CHTF18: variants seen among roughly 807,000 people sequenced by gnomAD.
CHTF18 encodes the protein chromosome transmission fidelity protein 18 homolog.
CHTF18 carries 151 observed loss-of-function variants against 113.4 expected under a neutral mutation model. The observed-to-expected ratio is 1.33, with a 90% CI of 1.17 to 1.52. CHTF18 has a LOEUF of 1.52. Ranked by LOEUF, CHTF18 falls within the 40% of genes most tolerant of loss-of-function variation. The pLI is 0.00. For missense variants in CHTF18, 1,982 were observed against 1,381.6 expected (o/e 1.43, Z -6.89); for synonymous variants, 916 against 598.8 (o/e 1.53, Z -7.74).
chr16:795,317 C>G lies in CHTF18; in HGVS notation c.2136C>G (p.Ser712Arg), dbSNP rs1046183928. Residue 712 changes from serine to arginine, a missense_variant, in exon 16 of 22, where the codon AGC becomes AGG. By Grantham distance (110) the Ser-to-Arg change is moderately radical. Transcript: ENST00000262315. ...CCTTCCATGTGCTGTTTGCTTCCAG[C>G]CACACACCCAGGATCACCTTCCCCA... ...PVAFHVLFAS[S>R]HTPRITFPSS... is the part of the protein sequence containing the mutation. 6 of 1,548,374 alleles carry G rather than the reference C, an allele frequency of 3.9e-6. No homozygotes were observed. In the African/African-American group the frequency reaches 8.2e-5, roughly 21 times the overall value.
At chr16:797,786 CTGGGGGTTG>C in intron 21 of CHTF18, 35 bp downstream of exon 21, 3 of 964,290 alleles carry the variant, frequency 3.1e-6, no homozygotes, top group Non-Finnish European at 4.4e-6. Context: ...TGTGGGGGGC[CTGGGGGTTG>C]TGGGGGGGCC....
At chr16:791,024 C>T (rs546645870) in intron 7 of CHTF18, 137 bp from the exon 8 acceptor site, 1 of 1,476,892 alleles carries the variant, frequency 6.8e-7, no homozygotes, top group South Asian at 1.4e-5. Flanking sequence ...CGGTCACTCG[C>T]TGGCAGGAAG....
chr16:793,838 C>T (rs932576111), intron 14 of CHTF18: 9 of 641,026 alleles, frequency 1.4e-5, no homozygotes, highest in South Asian at 1.8e-5. Flanking sequence ...CAGGGCTCCT[C>T]TCAGAGTGGG....
intron 4 of CHTF18, 103 bp from the exon 5 acceptor site, chr16:790,074 T>C (rs1415769249): frequency 1.3e-6 from 2 of 1,537,652 alleles, no homozygotes; most frequent in Non-Finnish European, 1.7e-6. Flanking sequence ...ACTGGCCAGC[T>C]TACTGGGGTT....
chr16:795,153 C>T lies in CHTF18; in HGVS notation c.1972C>T (p.Arg658Cys), dbSNP rs540750304. Residue 658 changes from arginine (R) to cysteine (C), a missense_variant, in exon 16 of 22, where the codon CGT becomes TGT. Physicochemically the swap from Arg to Cys is radical, Grantham distance 180 (BLOSUM62 -3). Coordinates refer to ENST00000262315, the MANE Select transcript of CHTF18 (RefSeq NM_022092.3). ...GCAGGGCTTGTTTGACAACTTCCTGCGTCTGCGGCTGCGAGACTCCAGCCT... is the reference window on the plus strand; with the variant it reads ...GCAGGGCTTGTTTGACAACTTCCTGTGTCTGCGGCTGCGAGACTCCAGCCT... ...VVQGLFDNFL[R>C]LRLRDSSLGA... is the part of the protein sequence containing the mutation. 1.3e-4 allele frequency: 205 copies of T among 1,551,840 alleles called. No individual in the cohort carries two copies. The highest frequency in any genetic ancestry group is 7.9e-4 in the Middle Eastern group (4 of 5,088).
chr16:793,098 T>TGGGGG (rs2151645761), intron 13 of CHTF18, 34 bp downstream of exon 13: 1 of 1,047,120 alleles, frequency 9.5e-7, no homozygotes, highest in Non-Finnish European at 1.4e-6. Context: ...TGGGGTGGGG[T>TGGGGG]GGGGTCAGGA....
intron 12 of CHTF18, 66 bp downstream of exon 12, chr16:792,877 C>G (rs373166088): frequency 9.2e-6 from 14 of 1,529,604 alleles, no homozygotes; most frequent in South Asian, 7.2e-5. Context: ...GTTCTGGCCC[C>G]TGTTTCCCTG....
At chr16:796,535 CTG>C in intron 18 of CHTF18, 180 bp from the exon 19 acceptor site, 2 of 671,460 alleles carry the variant, frequency 3.0e-6, no homozygotes, top group Non-Finnish European at 4.8e-6. Context: ...GTTGGGGAAA[CTG>C]AGGCTCGGGG....
At position 795,359 on chromosome 16, in the gene CHTF18, G is replaced by T; in HGVS notation, c.2175+3G>T. 6.5e-7 allele frequency: 1 copy of T among 1,542,514 alleles called. No individual in the cohort carries two copies. On this transcript the variant is annotated splice_donor_region_variant and intron_variant, in intron 16 of 21. Transcript: ENST00000262315. ...CCTTCCCCAGCAGCCAGCAGGAGGT[G>T]TGCTCGTCCCTGCACCACGCCTGCC...
chr16:795,895 A>G, intron 17 of CHTF18, 52 bp from the exon 18 acceptor site: 2 of 1,601,940 alleles, frequency 1.2e-6, no homozygotes, highest in Non-Finnish European at 1.7e-6. Flanking sequence ...CTAGGTGAGC[A>G]CACATTTGTA....
At position 788,912 on chromosome 16, in the gene CHTF18, C is replaced by T. The variant is rs535162620; in HGVS notation, c.92-19C>T. The T allele has an allele frequency of 4.6e-6, 7 of 1,524,816 alleles. No individual in the cohort carries two copies. The African/African-American group carries it at 8.5e-5, about 19-fold the overall frequency. 94.5% of individuals were successfully genotyped at this position (1,524,816 alleles called of 1,614,324 possible). On this transcript the variant is annotated intron_variant, in intron 1 of 21. Transcript: ENST00000262315. The stretch of plus-strand genomic sequence containing the variant: ...TCTGCTGTCTCGGGGCGGCCGCTGA[C>T]AATCTCCTCTCCCAGCAGGGGCGTC...
At chr16:790,755 C>G (rs1288815910) in intron 7 of CHTF18, 89 bp downstream of exon 7, 4 of 1,448,226 alleles carry the variant, frequency 2.8e-6, no homozygotes, top group Admixed American at 5.6e-5. Context: ...CACAGCCAAT[C>G]CACTGGGCCT....
chr16:793,582 C>T lies in CHTF18; in HGVS notation c.1802+308C>T. 5.5e-6 allele frequency: 3 copies of T among 549,970 alleles called. No individual in the cohort carries two copies. The South Asian group carries it at 6.2e-5, about 11-fold the overall frequency. 34.1% of individuals were successfully genotyped at this position (549,970 alleles called of 1,614,324 possible). A position where few individuals can be genotyped will look rare whatever the true frequency, so the allele number is the denominator to read the frequency against. Reference sequence around the variant, plus strand: ...TCAGCTGCTGTCCCAGTTGCACCCTCATTTTTGCCACATTTGGCCTGGGCT... The same window carrying T: ...TCAGCTGCTGTCCCAGTTGCACCCTTATTTTTGCCACATTTGGCCTGGGCT... On this transcript the variant is annotated intron_variant, in intron 14 of 21. Transcript: ENST00000262315.
chr16:793,596 T>C, intron 14 of CHTF18: 1 of 531,128 alleles, frequency 1.9e-6, no homozygotes, highest in Non-Finnish European at 3.4e-6. Flanking sequence ...TTTGCCACAT[T>C]TGGCCTGGGC....
At chr16:788,910 G>T in intron 1 of CHTF18, 21 bp from the exon 2 acceptor site, 1 of 1,522,342 alleles carries the variant, frequency 6.6e-7, no homozygotes, top group Non-Finnish European at 8.7e-7. Context: ...GGCGGCCGCT[G>T]ACAATCTCCT....
At chr16:791,655 A>G in intron 8 of CHTF18, 196 bp from the exon 9 acceptor site, 2 of 1,426,968 alleles carry the variant, frequency 1.4e-6, no homozygotes, top group Non-Finnish European at 1.8e-6. Context: ...GTCTGCACGA[A>G]CTTTGCTTTG....
chr16:788,939 A>G lies in CHTF18; in HGVS notation c.100A>G (p.Thr34Ala), dbSNP rs2042075908. ...ATCTCCTCTCCCAGCAGGGGCGTCG[A>G]CTCCGTCGCCCTCCGGGGTCCCCCT... ...EVLAELEGAS[T>A]PSPSGVPLFT... Residue 34 changes from threonine to alanine, a missense_variant, in exon 2 of 22, where the codon ACT (threonine) becomes GCT (alanine). Thr to Ala is a moderately conservative substitution (Grantham distance 58). Transcript: ENST00000262315. 6.5e-7 allele frequency: 1 copy of G among 1,549,976 alleles called. No homozygotes were observed. Among genetic ancestry groups the G allele is most frequent in the Non-Finnish European group, 8.6e-7 (1 of 1,156,786 alleles).
At chr16:797,202 C>T (rs945390983) in intron 20 of CHTF18, 110 bp downstream of exon 20, 2 of 1,319,730 alleles carry the variant, frequency 1.5e-6, no homozygotes, top group Non-Finnish European at 2.0e-6. Flanking sequence ...GCCAGGGTAC[C>T]TTTGTGGGTG....
chr16:792,973 TGCG>T lies in CHTF18; in HGVS notation c.1583_1585del (p.Arg528del). On this transcript the variant is annotated inframe_deletion, in exon 13 of 22. Coordinates refer to ENST00000262315, the MANE Select transcript of CHTF18 (RefSeq NM_022092.3). ...GCAGCCCTTCTCCACCAGGTCTCCC[TGCG>T]GCAGGGCATGAGGGCCGACCCAGGG... is the stretch of plus-strand genomic sequence containing the variant. 1 of 1,558,004 alleles carries T rather than the reference TGCG, an allele frequency of 6.4e-7. No individual in the cohort carries two copies. Among genetic ancestry groups the T allele is most frequent in the South Asian group, 1.2e-5 (1 of 84,450 alleles).
Sources: allele counts gnomAD v4.1 joint callset, GRCh38; gene constraint gnomAD v4.1.1; transcripts MANE v1.5; gene names NCBI Gene and HGNC (gene_info 2026-07-23, HGNC 2026-07-21).